Variants in PAPSS2 observed in about 807,000 individuals in gnomAD.
PAPSS2 encodes bifunctional 3'-phosphoadenosine 5'-phosphosulfate synthase 2.
Under a neutral mutation model 66.5 loss-of-function variants are expected in PAPSS2, and 61 were observed. The observed-to-expected ratio is 0.92, with a 90% confidence interval of 0.75 to 1.14. The LOEUF (loss-of-function observed/expected upper bound fraction) is 1.14, where lower values mean the gene tolerates loss of function less well. Ranked by LOEUF, PAPSS2 falls within the 50% of genes most tolerant of loss-of-function variation. The pLI, the probability that PAPSS2 is intolerant of heterozygous loss-of-function variation, is 0.00. For missense variants in PAPSS2, 708 were observed against 789.6 expected, an observed-to-expected ratio of 0.90 and a Z score of 1.24; for synonymous variants, 289 against 287.5, an observed-to-expected ratio of 1.01 and a Z score of -0.05.
intron 1 of PAPSS2, among the ~76,000 whole-genome samples, chr10:87,676,991 C>A (rs375125743): frequency 1.3e-5 from 2 of 148,364 alleles, no homozygotes; most frequent in South Asian, 2.2e-4. Flanking sequence ...GTCAGGAGTT[C>A]GAGACCAACT....
chr10:87,722,202 T>A (rs1402121412), intron 8 of PAPSS2, among the ~76,000 whole-genome samples: 1 of 152,210 alleles, frequency 6.6e-6, no homozygotes, highest in Non-Finnish European at 1.5e-5. Context: ...CTGGTTGGAT[T>A]GTGTATGATT....
intron 1 of PAPSS2, among the ~76,000 whole-genome samples, chr10:87,668,053 A>G (rs951461770): frequency 2.0e-5 from 3 of 152,192 alleles, no homozygotes; most frequent in African/African-American, 7.2e-5. Flanking sequence ...CTGGAAGAAA[A>G]TCCGAGATTC....
chr10:87,741,321 C>T lies in PAPSS2; in HGVS notation c.1173C>T (p.Tyr391=), dbSNP rs1356498341. 1.2e-6 allele frequency: 2 copies of T among 1,613,580 alleles called. No individual in the cohort carries two copies. The highest frequency in any genetic ancestry group is 1.7e-6 in the Non-Finnish European group (2 of 1,179,634). ...GATGGAATGATGGGCTGGACCAATACCGTCTGACACCTCTGGAGCTCAAAC... is the reference window on the plus strand; with the variant it reads ...GATGGAATGATGGGCTGGACCAATATCGTCTGACACCTCTGGAGCTCAAAC... The part of the protein sequence containing the change: ...KIRWNDGLDQ[Y]RLTPLELKQK... Residue 391 remains tyrosine, a synonymous_variant, in exon 10 of 13, where the codon TAC becomes TAT. Coordinates refer to ENST00000456849, the MANE Select transcript of PAPSS2 (RefSeq NM_001015880.2).
intron 1 of PAPSS2, among the ~76,000 whole-genome samples, chr10:87,684,987 G>A (rs549537508): frequency 1.1e-4 from 16 of 152,152 alleles, no homozygotes; most frequent in African/African-American, 2.9e-4. Context: ...AAAAATCCAG[G>A]TCACCAGGCT....
intron 1 of PAPSS2, among the ~76,000 whole-genome samples, chr10:87,694,767 G>A (rs1394621425): frequency 6.6e-6 from 1 of 152,180 alleles, no homozygotes; most frequent in African/African-American, 2.4e-5. Flanking sequence ...TGATTTAAGG[G>A]TGTTTTAGAA....
Position 87,745,213 on chromosome 10 carries a change from A to T in PAPSS2, c.1703A>T (p.Asp568Val), listed in dbSNP as rs765646574. 6 of 1,613,026 alleles carry T rather than the reference A, an allele frequency of 3.7e-6. No homozygotes were observed. The South Asian group carries it at 6.6e-5, about 18-fold the overall frequency. The change falls in exon 12 of 13, where the codon GAC becomes GTC. Residue 568 changes from aspartate (D) to valine (V), a missense_variant. Transcript: ENST00000456849. Reference sequence around the variant, plus strand: ...TACAACAAAGCCAAAAAAGCCATGGACTTCTATGATCCAGCAAGGTAGGTT... The same window carrying T: ...TACAACAAAGCCAAAAAAGCCATGGTCTTCTATGATCCAGCAAGGTAGGTT... ...AAYNKAKKAMDFYDPARHNEF... is the reference protein window; with the variant it reads ...AAYNKAKKAMVFYDPARHNEF...
At chr10:87,700,447 A>G (rs1019381595) in intron 1 of PAPSS2, among the ~76,000 whole-genome samples, 1 of 152,212 alleles carries the variant, frequency 6.6e-6, no homozygotes, top group Admixed American at 6.5e-5. Flanking sequence ...ACTTGAGTCT[A>G]GGAGTTCTAG....
At chr10:87,698,769 A>G (rs1853266367) in intron 1 of PAPSS2, among the ~76,000 whole-genome samples, 1 of 152,210 alleles carries the variant, frequency 6.6e-6, no homozygotes. Context: ...ATCTGTAGTC[A>G]TAGCTACTGG....
intron 1 of PAPSS2, among the ~76,000 whole-genome samples, chr10:87,660,620 G>C (rs1852738185): frequency 6.6e-6 from 1 of 152,054 alleles, no homozygotes; most frequent in Non-Finnish European, 1.5e-5. Context: ...GGAGTAAGAT[G>C]AGGGGACTGT....
At chr10:87,674,367 T>C (rs188727517) in intron 1 of PAPSS2, among the ~76,000 whole-genome samples, 49 of 152,312 alleles carry the variant, frequency 3.2e-4, no homozygotes, top group Non-Finnish European at 3.1e-4. Flanking sequence ...GTTTTCACCA[T>C]GTTGGCCAGG....
chr10:87,700,725 A>G (rs17122608), intron 1 of PAPSS2, among the ~76,000 whole-genome samples: 4,142 of 152,122 alleles, frequency 0.027, 73 homozygotes, highest in African/African-American at 0.044. Context: ...TTAGAAAAAC[A>G]ACTATCAGAA....
intron 1 of PAPSS2, among the ~76,000 whole-genome samples, chr10:87,701,134 A>G (rs1447368877): frequency 6.6e-6 from 1 of 151,520 alleles, no homozygotes; most frequent in Non-Finnish European, 1.5e-5. Context: ...GAGCAAGTGA[A>G]CAAAAAGTAT....
Position 87,698,253 on chromosome 10 carries a change from C to T in PAPSS2, c.28-10943C>T, listed in dbSNP as rs372010352. Reference sequence around the variant, plus strand: ...ATGTTTTCCCCTTAAAGTGTTTTCTCGTTCACAGCATTAACCTATGCAACA... The same window carrying T: ...ATGTTTTCCCCTTAAAGTGTTTTCTTGTTCACAGCATTAACCTATGCAACA... On this transcript the variant is annotated intron_variant, in intron 1 of 12. Coordinates refer to ENST00000456849, the MANE Select transcript of PAPSS2 (RefSeq NM_001015880.2). Among the ~76,000 whole-genome samples the T allele has an allele frequency of 1.1e-3, 168 of 152,174 alleles. 5 individuals are homozygous for T. In the South Asian group the frequency reaches 0.032, roughly 29 times the overall value.
chr10:87,670,518 T>A (rs1852862880), intron 1 of PAPSS2, among the ~76,000 whole-genome samples: 1 of 152,178 alleles, frequency 6.6e-6, no homozygotes, highest in Middle Eastern at 3.4e-3. Flanking sequence ...GTTTCAGCGA[T>A]AGGTACTAGG....
At chr10:87,741,206 A>G (rs915286463) in intron 9 of PAPSS2, 29 bp from the exon 10 acceptor site, 18 of 1,611,228 alleles carry the variant, frequency 1.1e-5, no homozygotes, top group East Asian at 2.2e-5. Flanking sequence ...ACAATTAATC[A>G]TTAGCAATCA....
rs1304252487 is a variant in PAPSS2, at chr10:87,718,304, T to C, written c.865+2461T>C. Among the ~76,000 whole-genome samples, 3 of 152,312 alleles carry C rather than the reference T, an allele frequency of 2.0e-5. No individual in the cohort carries two copies. In the East Asian group the frequency reaches 5.8e-4, roughly 29 times the overall value. ...CCTCAGCCTCCCAAAGTGCTGAGAT[T>C]ACAGGTGTGAGCCACGGTACCCTGC... On this transcript the variant is annotated intron_variant, in intron 7 of 12. Coordinates refer to ENST00000456849, the MANE Select transcript of PAPSS2 (RefSeq NM_001015880.2).
At chr10:87,725,488 T>A (rs1853647109) in intron 8 of PAPSS2, among the ~76,000 whole-genome samples, 1 of 152,168 alleles carries the variant, frequency 6.6e-6, no homozygotes, top group South Asian at 2.1e-4. Context: ...CTTGATGTCA[T>A]TTTTCACTCC....
intron 1 of PAPSS2, among the ~76,000 whole-genome samples, chr10:87,703,553 C>A (rs1449726545): frequency 6.6e-6 from 1 of 152,088 alleles, no homozygotes; most frequent in Non-Finnish European, 1.5e-5. Flanking sequence ...CTTATTTAAT[C>A]CTTTCAGCAA....
intron 10 of PAPSS2, 39 bp downstream of exon 10, chr10:87,741,409 T>A (rs750244040): frequency 6.5e-7 from 1 of 1,547,398 alleles, no homozygotes; most frequent in South Asian, 1.1e-5. Context: ...TTTATTTATT[T>A]ATTGAGATGG....
Sources: allele counts gnomAD v4.1 joint callset (sites outside exome capture counted in the v4.1 genomes callset), GRCh38; gene constraint gnomAD v4.1.1; transcripts MANE v1.5; gene names NCBI Gene and HGNC (gene_info 2026-07-23, HGNC 2026-07-21).